Variants in STX8 observed in about 807,000 individuals in gnomAD.
The protein encoded by STX8 is syntaxin-8.
STX8 carries 23 observed loss-of-function variants against 37.5 expected under a neutral mutation model. That is an observed-to-expected ratio of 0.61 (90% CI 0.44 to 0.87). STX8 has a LOEUF of 0.87. Among genes scored for constraint, STX8 ranks in the 40% least tolerant of loss-of-function variants. The probability of loss-of-function intolerance (pLI) is 0.00; values close to 1 mark genes in which losing one functional copy is unlikely to be tolerated. For missense variants in STX8, 313 were observed against 284.7 expected, an observed-to-expected ratio of 1.10 and a Z score of -0.71; for synonymous variants, 115 against 99.1, an observed-to-expected ratio of 1.16 and a Z score of -0.95.
At chr17:9,485,385 C>T (rs73973779) in intron 6 of STX8, among the ~76,000 whole-genome samples, 1,626 of 152,198 alleles carry the variant, frequency 0.011, 29 homozygotes, top group African/African-American at 0.036. Context: ...AAGCATAGGG[C>T]CTGGCTTCTA....
At chr17:9,430,952 G>A (rs1913943035) in intron 6 of STX8, among the ~76,000 whole-genome samples, 1 of 151,860 alleles carries the variant, frequency 6.6e-6, no homozygotes, top group African/African-American at 2.4e-5. Flanking sequence ...CCCGGCCTTT[G>A]GCTTGTTTTT....
At chr17:9,396,457 CGGGTCATCTGAGGTCAGCT>C (rs1912405860) in intron 6 of STX8, among the ~76,000 whole-genome samples, 1 of 151,424 alleles carries the variant, frequency 6.6e-6, no homozygotes, top group Non-Finnish European at 1.5e-5. Flanking sequence ...CTGAGGTGGG[CGGGTCATCTGAGGTCAGCT>C]GAGGTGGGCG....
intron 6 of STX8, among the ~76,000 whole-genome samples, chr17:9,417,564 G>T (rs1913245792): frequency 6.6e-6 from 1 of 152,080 alleles, no homozygotes; most frequent in African/African-American, 2.4e-5. Flanking sequence ...AAAACCCCTT[G>T]TTAAGCCCCT....
chr17:9,512,895 A>C (rs1323280704), intron 4 of STX8, among the ~76,000 whole-genome samples: 7 of 152,202 alleles, frequency 4.6e-5, no homozygotes, highest in Non-Finnish European at 8.8e-5. Context: ...TGATTCAAAG[A>C]CCTAAATGTA....
In STX8 at chr17:9,253,205, GGGGTGT is replaced by G. The variant is rs1426705012; in HGVS notation, c.644-2566_644-2561del. Reference sequence around the variant, plus strand: ...TGCTTGCAGCAAGAAGGCAGGGGTAGGGGTGTGTGTGTGTGTGTGTGTGTGTGTGTG... The same window carrying G: ...TGCTTGCAGCAAGAAGGCAGGGGTAGGTGTGTGTGTGTGTGTGTGTGTGTG... On this transcript the variant is annotated intron_variant, in intron 7 of 7. Transcript: ENST00000306357. 1.8e-3 allele frequency among the ~76,000 whole-genome samples: 107 copies of G among 58,176 alleles called. 3 individuals are homozygous for G. Among genetic ancestry groups the G allele is most frequent in the African/African-American group, 5.6e-3 (105 of 18,904 alleles). The allele number at this position is 58,176 out of a possible 152,430, so 38.2% of individuals were successfully genotyped here.
intron 6 of STX8, among the ~76,000 whole-genome samples, chr17:9,488,182 T>C (rs950008516): frequency 2.6e-5 from 4 of 152,000 alleles, no homozygotes; most frequent in Non-Finnish European, 1.5e-5. Flanking sequence ...CAAAATTAGC[T>C]GGGCATGGTG....
At chr17:9,542,479 C>T (rs1481811965) in intron 4 of STX8, among the ~76,000 whole-genome samples, 2 of 151,976 alleles carry the variant, frequency 1.3e-5, no homozygotes, top group Non-Finnish European at 2.9e-5. Flanking sequence ...AAATCGAGAC[C>T]ATCCTAGCTA....
chr17:9,301,452 CT>C (rs889723021), intron 7 of STX8, among the ~76,000 whole-genome samples: 41 of 151,176 alleles, frequency 2.7e-4, no homozygotes, highest in African/African-American at 9.9e-4. Context: ...CAGTGCTTTA[CT>C]TTTTTTTAAT....
intron 4 of STX8, among the ~76,000 whole-genome samples, chr17:9,517,198 C>CA (rs1172400616): frequency 2.0e-5 from 3 of 152,136 alleles, no homozygotes; most frequent in Non-Finnish European, 4.4e-5. Context: ...TTCTTTATAG[C>CA]ACTGAAGTCA....
intron 6 of STX8, among the ~76,000 whole-genome samples, chr17:9,440,777 G>A (rs11657353): frequency 0.28 from 43,244 of 151,958 alleles, 6,565 homozygotes; most frequent in African/African-American, 0.37. Flanking sequence ...CACCCGCCTC[G>A]GCCTCCCAAA....
chr17:9,538,535 T>C (rs998787490), intron 4 of STX8, among the ~76,000 whole-genome samples: 4 of 152,352 alleles, frequency 2.6e-5, no homozygotes, highest in Non-Finnish European at 5.9e-5. Context: ...TATACTGATA[T>C]GAAATACACA....
intron 4 of STX8, among the ~76,000 whole-genome samples, chr17:9,533,879 C>G (rs539321264): frequency 3.9e-5 from 6 of 152,164 alleles, no homozygotes; most frequent in Non-Finnish European, 8.8e-5. Flanking sequence ...CTCCACTGCT[C>G]AGAGACCATA....
At chr17:9,422,892 C>T (rs1461646397) in intron 6 of STX8, among the ~76,000 whole-genome samples, 1 of 152,204 alleles carries the variant, frequency 6.6e-6, no homozygotes, top group African/African-American at 2.4e-5. Flanking sequence ...AAGAAAAATG[C>T]TGGACATAAA....
rs1012672748 is a variant in STX8, at chr17:9,400,293, G to A, written c.542-21640C>T. Among the ~76,000 whole-genome samples, 7 of 151,824 alleles carry A rather than the reference G, an allele frequency of 4.6e-5. 1 individual carries two copies. The East Asian group carries it at 1.2e-3, about 25-fold the overall frequency. ...AATTTTTTGTATTTTTAATAGAGAC[G>A]GGATTCACCGTGTTAGCCAGGATGG... On this transcript the variant is annotated intron_variant, in intron 6 of 7. Transcript: ENST00000306357.
At chr17:9,292,812 G>A (rs1376228701) in intron 7 of STX8, among the ~76,000 whole-genome samples, 2 of 152,146 alleles carry the variant, frequency 1.3e-5, no homozygotes, top group Admixed American at 6.5e-5. Context: ...CTCTCTGGCT[G>A]TTTCTAAGAA....
chr17:9,500,921 C>G (rs559415585), intron 5 of STX8, among the ~76,000 whole-genome samples: 1 of 152,108 alleles, frequency 6.6e-6, no homozygotes, highest in Non-Finnish European at 1.5e-5. Flanking sequence ...AGAAGAATGT[C>G]GTGAACCCAG....
chr17:9,318,691 T>C (rs966036928), intron 7 of STX8, among the ~76,000 whole-genome samples: 2 of 152,196 alleles, frequency 1.3e-5, no homozygotes, highest in Non-Finnish European at 2.9e-5. Flanking sequence ...TAAACTATTA[T>C]TTAGAATTCT....
chr17:9,303,687 G>A (rs1001647519), intron 7 of STX8, among the ~76,000 whole-genome samples: 2 of 152,054 alleles, frequency 1.3e-5, no homozygotes, highest in South Asian at 2.1e-4. Context: ...TGATTAAGGC[G>A]GCTTTCAAAA....
At chr17:9,457,434 C>T (rs1294736846) in intron 6 of STX8, among the ~76,000 whole-genome samples, 1 of 152,226 alleles carries the variant, frequency 6.6e-6, no homozygotes, top group Non-Finnish European at 1.5e-5. Flanking sequence ...AACACTGACT[C>T]TCTTGCTCCC....
Sources: gnomAD v4.1 joint callset for allele counts (sites outside exome capture counted in the v4.1 genomes callset) on GRCh38, gnomAD v4.1.1 for gene constraint, MANE v1.5 for transcripts, NCBI Gene and HGNC (gene_info 2026-07-23, HGNC 2026-07-21) for gene names.